The following SERPINB7 variants were observed in gnomAD, a reference collection of about 807,000 sequenced individuals.
The protein encoded by SERPINB7 is serpin B7.
A neutral mutation model predicts 37.4 loss-of-function variants in SERPINB7; 31 were observed. The ratio of observed to expected loss-of-function variants is 0.83; its 90% CI spans 0.62 to 1.12. The LOEUF (loss-of-function observed/expected upper bound fraction) is 1.12, where lower values mean the gene tolerates loss of function less well. Ranked by LOEUF, SERPINB7 falls within the 50% of genes most tolerant of loss-of-function variation. SERPINB7 has a pLI of 0.00. For missense variants in SERPINB7, 521 were observed against 455.3 expected, an observed-to-expected ratio of 1.14 and a Z score of -1.31; for synonymous variants, 163 against 166.1, an observed-to-expected ratio of 0.98 and a Z score of 0.14.
At chr18:63,765,055 T>C (rs1326762305) in intron 1 of SERPINB7, among the ~76,000 whole-genome samples, 2 of 152,142 alleles carry the variant, frequency 1.3e-5, no homozygotes, top group East Asian at 3.8e-4. Context: ...TTATGACAAA[T>C]AAAATCTTCT....
rs34505921 is a variant in SERPINB7 at position 63,804,428 on chromosome 18, G to C, written c.936G>C (p.Ser312=). 3 of 1,613,588 alleles carry C rather than the reference G, an allele frequency of 1.9e-6. No individual in the cohort carries two copies. Among genetic ancestry groups the C allele is most frequent in the Non-Finnish European group, 2.5e-6 (3 of 1,179,786 alleles). ...ESKADLSGIA[S]GGRLYISRMM... is the part of the protein sequence containing the mutation. ...AAGCAGATCTCTCTGGGATTGCTTC[G>C]GGGGGTCGTCTGTATATATCAAGGA... is the stretch of plus-strand genomic sequence containing the variant. Residue 312 remains serine (S), a synonymous_variant, in exon 8 of 8, where the codon TCG becomes TCC. Transcript: ENST00000398019.
chr18:63,804,719 A>G lies in SERPINB7; in HGVS notation c.*84A>G. On this transcript the variant is annotated 3_prime_UTR_variant, in exon 8 of 8. Transcript: ENST00000398019. The stretch of plus-strand genomic sequence containing the variant: ...AATAGATTTGAGTTTAATTGGAAAA[A>G]TGTGGTGTTTCCTTTGAGTTTATTT... 1 of 1,374,478 alleles carries G rather than the reference A, an allele frequency of 7.3e-7. No homozygotes were observed. The highest frequency in any genetic ancestry group is 2.3e-5 in the Admixed American group (1 of 44,190). The allele number at this position is 1,374,478 out of a possible 1,614,324, so 85.1% of individuals were successfully genotyped here.
At chr18:63,757,782 G>A (rs1324116893) in intron 1 of SERPINB7, among the ~76,000 whole-genome samples, 1 of 152,168 alleles carries the variant, frequency 6.6e-6, no homozygotes, top group Non-Finnish European at 1.5e-5. Flanking sequence ...ACAATGCATT[G>A]CTTAATCTTT....
intron 4 of SERPINB7, 147 bp from the exon 5 acceptor site, chr18:63,796,119 C>A (rs1202653878): frequency 1.9e-6 from 1 of 527,862 alleles, no homozygotes; most frequent in Non-Finnish European, 3.4e-6. Context: ...AGTCCCATTT[C>A]CATATATCCC....
rs975572968 is a variant in SERPINB7 at position 63,783,218 on chromosome 18, G to C, written c.168+678G>C. 4.4e-4 allele frequency among the ~76,000 whole-genome samples: 31 copies of C among 71,082 alleles called. 1 individual carries two copies. The highest frequency in any genetic ancestry group is 8.7e-5 in the Non-Finnish European group (3 of 34,666). 46.6% of individuals were successfully genotyped at this position (71,082 alleles called of 152,430 possible). A position where few individuals can be genotyped will look rare whatever the true frequency, so the allele number is the denominator to read the frequency against. ...AGAGAGAGAGAGAGAGAGAGAGAGA[G>C]AGAGAGAGAGAGAGAGAAAGAAAGA... On this transcript the variant is annotated intron_variant, in intron 2 of 7. Transcript: ENST00000398019.
chr18:63,772,393 T>G (rs933543337), upstream of SERPINB7, among the ~76,000 whole-genome samples: 6 of 152,096 alleles, frequency 3.9e-5, no homozygotes, highest in African/African-American at 1.4e-4. Flanking sequence ...AACCCAACAA[T>G]AATTTTAAAG....
intron 1 of SERPINB7, among the ~76,000 whole-genome samples, chr18:63,757,056 GT>G (rs2049126530): frequency 6.6e-6 from 1 of 151,978 alleles, no homozygotes; most frequent in Non-Finnish European, 1.5e-5. Flanking sequence ...TTAGCCCACT[GT>G]TTAATAGAGT....
rs576091277 is a variant in SERPINB7, at chr18:63,775,965, T to C, written c.-19+249T>C. Among the ~76,000 whole-genome samples, 7 of 152,178 alleles carry C rather than the reference T, an allele frequency of 4.6e-5. No individual in the cohort carries two copies. The East Asian group carries it at 1.2e-3, about 25-fold the overall frequency. ...CTGCTGGAGAGAACACTGTGACCCG[T>C]GGTCTCTTCCTTGGGCCATGTCAGT... is the stretch of plus-strand genomic sequence containing the variant. On this transcript the variant is annotated intron_variant, in intron 1 of 7. Transcript: ENST00000398019.
At chr18:63,794,061 A>G (rs952701070) in intron 4 of SERPINB7, among the ~76,000 whole-genome samples, 3 of 149,514 alleles carry the variant, frequency 2.0e-5, no homozygotes, top group African/African-American at 7.4e-5. Flanking sequence ...CTCCTGCCTC[A>G]GCTTCCCAAG....
At position 63,804,353 on chromosome 18, in the gene SERPINB7, GA is replaced by G. The variant is rs763823754; in HGVS notation, c.864del (p.Lys288AsnfsTer4). On this transcript the variant is annotated frameshift_variant, in exon 8 of 8. Transcript: ENST00000398019. LOFTEE classifies it high-confidence loss of function. Reference sequence around the variant, plus strand: ...TCAAGATAGAGAAGAATTATGAAATGAAACAATATTTGAGAGCCCTAGGGCT... The same window carrying G: ...TCAAGATAGAGAAGAATTATGAAATGAACAATATTTGAGAGCCCTAGGGCT... ...QFKIEKNYEM[K>X]QYLRALGLKD... 8.1e-6 allele frequency: 13 copies of G among 1,613,748 alleles called. No homozygotes were observed. Among genetic ancestry groups the G allele is most frequent in the Non-Finnish European group, 1.1e-5 (13 of 1,179,838 alleles).
chr18:63,793,450 T>G (rs573246009), intron 4 of SERPINB7, among the ~76,000 whole-genome samples, 173 bp downstream of exon 4: 1 of 152,216 alleles, frequency 6.6e-6, no homozygotes, highest in African/African-American at 2.4e-5. Flanking sequence ...TTCAACTTTT[T>G]ACCCAATTAA....
chr18:63,777,916 AC>A (rs2049265585), intron 1 of SERPINB7: 1 of 150,140 alleles, frequency 6.7e-6, no homozygotes, highest in Non-Finnish European at 1.5e-5. Flanking sequence ...ACACACACAC[AC>A]ACACACACAG....
At chr18:63,758,761 C>T (rs187996698) in intron 1 of SERPINB7, among the ~76,000 whole-genome samples, 11 of 152,290 alleles carry the variant, frequency 7.2e-5, no homozygotes, top group Admixed American at 3.9e-4. Context: ...TAGCCCTCTA[C>T]CCCCTCACCA....
intron 1 of SERPINB7, among the ~76,000 whole-genome samples, chr18:63,776,149 G>A (rs2049245555): frequency 6.6e-6 from 1 of 152,000 alleles, no homozygotes; most frequent in African/African-American, 2.4e-5. Flanking sequence ...GAGGCATTAG[G>A]TCATTTGGCT....
intron 2 of SERPINB7, among the ~76,000 whole-genome samples, chr18:63,783,188 G>GGA (rs1177246421): frequency 3.3e-5 from 2 of 59,792 alleles, no homozygotes; most frequent in Non-Finnish European, 6.9e-5. Flanking sequence ...AAGAAAGAAA[G>GGA]AGAGAGAGAG....
chr18:63,798,031 A>G (rs1338942040), intron 5 of SERPINB7, among the ~76,000 whole-genome samples: 2 of 152,210 alleles, frequency 1.3e-5, no homozygotes, highest in Non-Finnish European at 2.9e-5. Context: ...CCTCTATGTT[A>G]CTGGTGGGTT....
chr18:63,793,117 T>C, intron 3 of SERPINB7, 44 bp from the exon 4 acceptor site: 2 of 1,063,596 alleles, frequency 1.9e-6, no homozygotes, highest in Non-Finnish European at 2.8e-6. Flanking sequence ...TATGCATATC[T>C]TTGCAGTCCA....
intron 2 of SERPINB7, among the ~76,000 whole-genome samples, chr18:63,784,811 T>A (rs1017525901): frequency 1.3e-5 from 2 of 152,240 alleles, no homozygotes; most frequent in Admixed American, 6.5e-5. Flanking sequence ...GCAGGCACCA[T>A]GCCTATGACT....
chr18:63,798,525 T>C (rs1438065700), intron 5 of SERPINB7, 79 bp from the exon 6 acceptor site: 3 of 1,160,658 alleles, frequency 2.6e-6, no homozygotes, highest in South Asian at 3.4e-5. Flanking sequence ...AAAAACTTCA[T>C]ACCAATTAAT....
Sources: gnomAD v4.1 joint callset for allele counts (sites outside exome capture counted in the v4.1 genomes callset) on GRCh38, gnomAD v4.1.1 for gene constraint, MANE v1.5 for transcripts, NCBI Gene and HGNC (gene_info 2026-07-23, HGNC 2026-07-21) for gene names.